CDH13: variants seen among roughly 807,000 people sequenced by gnomAD.
The protein encoded by CDH13 is cadherin 13, also known as cadherin-13.
A neutral mutation model predicts 63.8 loss-of-function variants in CDH13; 24 were observed. The observed-to-expected ratio is 0.38, with a 90% CI of 0.27 to 0.53. The LOEUF is 0.53. Ranked by LOEUF, CDH13 falls within the 20% of genes least tolerant of loss-of-function variation. The pLI is 0.85. For synonymous variants in CDH13, 503 were observed against 355.3 expected (o/e 1.42, Z -4.67); for missense variants, 1,049 against 903.1 (o/e 1.16, Z -2.07).
chr16:83,184,540 A>C (rs1486721717), intron 4 of CDH13, among the ~76,000 whole-genome samples: 1 of 152,118 alleles, frequency 6.6e-6, no homozygotes, highest in African/African-American at 2.4e-5. Context: ...GGATCAACTG[A>C]GGTCAGGATT....
At chr16:83,543,735 G>T (rs141234205) in intron 7 of CDH13, among the ~76,000 whole-genome samples, 1 of 152,182 alleles carries the variant, frequency 6.6e-6, no homozygotes, top group Non-Finnish European at 1.5e-5. Context: ...CGGGTATGCT[G>T]CTCTCATCTA....
intron 8 of CDH13, among the ~76,000 whole-genome samples, chr16:83,619,969 C>T (rs1345782262): frequency 1.3e-5 from 2 of 151,972 alleles, no homozygotes; most frequent in African/African-American, 4.8e-5. Flanking sequence ...CCAGGGTGAC[C>T]AGAGCAACAT....
At chr16:83,794,880 A>AG (rs201442019) in intron 13 of CDH13, 143 bp from the exon 14 acceptor site, 6 of 751,892 alleles carry the variant, frequency 8.0e-6, no homozygotes, top group Middle Eastern at 2.3e-4. Flanking sequence ...GTGATCCTTA[A>AG]GGAAAAAAAA....
At chr16:83,225,032 G>C (rs1466282872) in intron 5 of CDH13, among the ~76,000 whole-genome samples, 1 of 152,176 alleles carries the variant, frequency 6.6e-6, no homozygotes, top group Non-Finnish European at 1.5e-5. Flanking sequence ...CAGACTAACA[G>C]CGTCACCTGG....
At chr16:82,759,432 A>T (rs1041426659) in intron 1 of CDH13, among the ~76,000 whole-genome samples, 9 of 151,878 alleles carry the variant, frequency 5.9e-5, no homozygotes, top group Non-Finnish European at 1.3e-4. Flanking sequence ...GTCTTCATCT[A>T]AATGAAGTCT....
chr16:82,685,515 A>C (rs1008292353), intron 1 of CDH13, among the ~76,000 whole-genome samples: 1 of 152,264 alleles, frequency 6.6e-6, no homozygotes, highest in African/African-American at 2.4e-5. Context: ...TGTAGCAAAG[A>C]TAATGAGATC....
At chr16:83,119,336 G>C (rs531372086) in intron 3 of CDH13, among the ~76,000 whole-genome samples, 1 of 152,242 alleles carries the variant, frequency 6.6e-6, no homozygotes, top group East Asian at 1.9e-4. Flanking sequence ...GTATATGAGT[G>C]ATTGTGACAT....
intron 4 of CDH13, chr16:83,180,978 A>G: frequency 6.5e-7 from 1 of 1,531,684 alleles, no homozygotes; most frequent in Non-Finnish European, 8.7e-7. Flanking sequence ...CTATTTGGCG[A>G]CATTATTGCT....
intron 2 of CDH13, among the ~76,000 whole-genome samples, chr16:82,921,640 A>G (rs567774142): frequency 6.6e-6 from 1 of 152,350 alleles, no homozygotes; most frequent in African/African-American, 2.4e-5. Flanking sequence ...GTTATTAAAT[A>G]TAGCTTGCAA....
intron 1 of CDH13, among the ~76,000 whole-genome samples, chr16:82,667,450 A>G (rs1410473299): frequency 6.6e-6 from 1 of 152,018 alleles, no homozygotes; most frequent in Non-Finnish European, 1.5e-5. Context: ...TAATTCCTCC[A>G]CTCATTCCCA....
At chr16:83,650,421 T>G (rs995195819) in intron 8 of CDH13, among the ~76,000 whole-genome samples, 2 of 152,206 alleles carry the variant, frequency 1.3e-5, no homozygotes, top group Non-Finnish European at 2.9e-5. Flanking sequence ...GATGTTTGAA[T>G]CTATGACCAA....
intron 1 of CDH13, among the ~76,000 whole-genome samples, chr16:82,628,455 A>C (rs966358742): frequency 6.6e-6 from 1 of 152,196 alleles, no homozygotes; most frequent in South Asian, 2.1e-4. Flanking sequence ...AAGGGAGACC[A>C]CTGTTAGAGC....
chr16:83,113,844 C>T (rs889567514), intron 3 of CDH13, among the ~76,000 whole-genome samples: 17 of 152,164 alleles, frequency 1.1e-4, no homozygotes, highest in African/African-American at 3.6e-4. Flanking sequence ...ACAGTGATAG[C>T]ACTTGAGGTC....
At chr16:83,736,311 G>T (rs189155724) in intron 10 of CDH13, among the ~76,000 whole-genome samples, 1 of 152,194 alleles carries the variant, frequency 6.6e-6, no homozygotes, top group African/African-American at 2.4e-5. Flanking sequence ...AAATCGGATA[G>T]CTTCTGAAGT....
chr16:83,800,084 C>A lies in CDH13; in HGVS notation c.*5054C>A, dbSNP rs456699. The A allele has an allele frequency of 0.69, 104,199 of 152,066 alleles. 36,316 individuals are homozygous for A. Among genetic ancestry groups the A allele is most frequent in the African/African-American group, 0.75 (31,112 of 41,484 alleles). The allele number at this position is 152,066 out of a possible 1,614,324, so 9.4% of individuals were successfully genotyped here. A position where few individuals can be genotyped will look rare whatever the true frequency, so the allele number is the denominator to read the frequency against. On this transcript the variant is annotated 3_prime_UTR_variant, in exon 14 of 14. Coordinates refer to ENST00000567109, the MANE Select transcript of CDH13 (RefSeq NM_001257.5). The stretch of plus-strand genomic sequence containing the variant: ...CGTTGGAGGGTTGCTGAGCTTGATA[C>A]GCCTTTGAACCATTTTATTTGACTT...
intron 5 of CDH13, among the ~76,000 whole-genome samples, chr16:83,300,778 T>A (rs1292155255): frequency 6.6e-6 from 1 of 152,234 alleles, no homozygotes; most frequent in Non-Finnish European, 1.5e-5. Context: ...CAGGTTTACA[T>A]ATTTTAAAAT....
At chr16:83,246,048 T>G (rs1904960841) in intron 5 of CDH13, among the ~76,000 whole-genome samples, 1 of 152,206 alleles carries the variant, frequency 6.6e-6, no homozygotes, top group Non-Finnish European at 1.5e-5. Flanking sequence ...AAATTCCTAT[T>G]TCTTGTTTGA....
intron 2 of CDH13, among the ~76,000 whole-genome samples, chr16:82,892,524 A>G (rs534394259): frequency 1.2e-4 from 19 of 152,358 alleles, no homozygotes; most frequent in African/African-American, 4.6e-4. Flanking sequence ...CAGTCTGTGT[A>G]GAGTGAGTCA....
At chr16:83,593,956 G>A (rs1170431105) in intron 7 of CDH13, among the ~76,000 whole-genome samples, 1 of 152,198 alleles carries the variant, frequency 6.6e-6, no homozygotes, top group African/African-American at 2.4e-5. Context: ...AGTGACTTGA[G>A]ACAAGAAGCA....
Sources: gnomAD v4.1 joint callset for allele counts (sites outside exome capture counted in the v4.1 genomes callset) on GRCh38, gnomAD v4.1.1 for gene constraint, MANE v1.5 for transcripts, NCBI Gene and HGNC (gene_info 2026-07-23, HGNC 2026-07-21) for gene names.